Variants in CNTN1 observed in about 807,000 individuals in gnomAD.
The protein encoded by CNTN1 is contactin 1.
Under a neutral mutation model 126.4 loss-of-function variants are expected in CNTN1, and 38 were observed. The observed-to-expected ratio is 0.30, with a 90% CI of 0.23 to 0.39. The LOEUF is 0.39. Among genes scored for constraint, CNTN1 ranks in the 10% least tolerant of loss-of-function variants. The pLI is 1.00. For missense variants in CNTN1, 1,009 were observed against 1,248.4 expected, an observed-to-expected ratio of 0.81 and a Z score of 2.89; for synonymous variants, 413 against 422.6, an observed-to-expected ratio of 0.98 and a Z score of 0.28.
chr12:40,937,506 G>A (rs1476266195), intron 10 of CNTN1, 64 bp from the exon 11 acceptor site: 6 of 1,079,052 alleles, frequency 5.6e-6, no homozygotes, highest in Non-Finnish European at 8.6e-6. Context: ...ACCAAACCCA[G>A]ACCTAAGTGA....
At chr12:40,939,252 A>G in intron 11 of CNTN1, 83 bp from the exon 12 acceptor site, 1 of 1,428,350 alleles carries the variant, frequency 7.0e-7, no homozygotes, top group East Asian at 2.3e-5. Context: ...ACTATTAAGG[A>G]GAATAAAAGA....
chr12:40,883,849 T>C (rs1943947606), intron 1 of CNTN1, among the ~76,000 whole-genome samples: 1 of 151,650 alleles, frequency 6.6e-6, no homozygotes, highest in Admixed American at 6.6e-5. Context: ...TGTGAGCATA[T>C]AATATTTTGT....
intron 1 of CNTN1, among the ~76,000 whole-genome samples, chr12:40,851,922 T>C (rs1942728931): frequency 6.6e-6 from 1 of 152,172 alleles, no homozygotes; most frequent in South Asian, 2.1e-4. Flanking sequence ...AGCATTAGCA[T>C]AATCTGAGGG....
intron 19 of CNTN1, among the ~76,000 whole-genome samples, chr12:41,018,523 A>G (rs1948832658): frequency 6.6e-6 from 1 of 152,036 alleles, no homozygotes; most frequent in Non-Finnish European, 1.5e-5. Context: ...ATGTCATAAT[A>G]CCATGTCATA....
rs1947293934 is a variant in CNTN1, at chr12:40,965,998, C to CA, written c.1804+6764_1804+6765insA. 4.0e-3 allele frequency among the ~76,000 whole-genome samples: 543 copies of CA among 136,270 alleles called. 5 individuals are homozygous for CA. The highest frequency in any genetic ancestry group is 0.015 in the African/African-American group (508 of 34,798). 89.4% of individuals were successfully genotyped at this position (136,270 alleles called of 152,430 possible). A position where few individuals can be genotyped will look rare whatever the true frequency, so the allele number is the denominator to read the frequency against. On this transcript the variant is annotated intron_variant, in intron 15 of 23. Transcript: ENST00000551295. Reference sequence around the variant, plus strand: ...GTGTAAGTATACACACCTCATCACACCACACACACACACACACACACACAC... The same window carrying CA: ...GTGTAAGTATACACACCTCATCACACACACACACACACACACACACACACAC...
At chr12:41,045,366 TTGTC>T (rs1949519386) in intron 23 of CNTN1, among the ~76,000 whole-genome samples, 1 of 152,114 alleles carries the variant, frequency 6.6e-6, no homozygotes, top group Admixed American at 6.6e-5. Context: ...ATAAAAACAA[TTGTC>T]TGTTCTGAGA....
intron 17 of CNTN1, among the ~76,000 whole-genome samples, chr12:41,012,091 G>A (rs1948671641): frequency 6.6e-6 from 1 of 152,130 alleles, no homozygotes; most frequent in Admixed American, 6.5e-5. Flanking sequence ...GGGTAAAGGA[G>A]AGGATTCCTA....
intron 1 of CNTN1, among the ~76,000 whole-genome samples, chr12:40,841,709 T>A (rs531730594): frequency 1.6e-4 from 24 of 151,924 alleles, no homozygotes; most frequent in Admixed American, 1.4e-3. Context: ...AGAAAAAAAA[T>A]TTGACAAAAT....
At chr12:40,845,904 A>C (rs1329858048) in intron 1 of CNTN1, among the ~76,000 whole-genome samples, 1 of 152,252 alleles carries the variant, frequency 6.6e-6, no homozygotes, top group African/African-American at 2.4e-5. Context: ...ATAAAAAATG[A>C]ATATTAGTGG....
intron 1 of CNTN1, among the ~76,000 whole-genome samples, chr12:40,708,259 C>A (rs1211980317): frequency 6.6e-6 from 1 of 152,092 alleles, no homozygotes; most frequent in South Asian, 2.1e-4. Flanking sequence ...CAGACCACTG[C>A]AATAAAGCCA....
At chr12:40,986,746 G>A (rs538239263) in intron 16 of CNTN1, among the ~76,000 whole-genome samples, 11 of 152,096 alleles carry the variant, frequency 7.2e-5, no homozygotes, top group African/African-American at 1.9e-4. Flanking sequence ...TATCGGTGCC[G>A]CAGAGGGAAG....
intron 23 of CNTN1, among the ~76,000 whole-genome samples, chr12:41,039,348 T>A (rs546107892): frequency 6.6e-6 from 1 of 152,268 alleles, no homozygotes; most frequent in South Asian, 2.1e-4. Context: ...GGCAGTTATA[T>A]TAAGGATTTA....
At chr12:40,961,505 A>C (rs1300125958) in intron 15 of CNTN1, among the ~76,000 whole-genome samples, 1 of 152,012 alleles carries the variant, frequency 6.6e-6, no homozygotes, top group Non-Finnish European at 1.5e-5. Context: ...CTATTTATTC[A>C]TTTAATTATA....
At chr12:40,890,277 CT>C (rs988701695) in intron 1 of CNTN1, among the ~76,000 whole-genome samples, 3 of 152,108 alleles carry the variant, frequency 2.0e-5, no homozygotes, top group African/African-American at 7.2e-5. Context: ...CACACATAGC[CT>C]CCCCCACTGT....
chr12:40,821,515 A>G (rs1941441464), intron 1 of CNTN1, among the ~76,000 whole-genome samples: 1 of 152,202 alleles, frequency 6.6e-6, no homozygotes, highest in African/African-American at 2.4e-5. Flanking sequence ...TAGTAGTATT[A>G]GTGGTCTCAT....
Position 40,758,186 on chromosome 12 carries a change from C to T in CNTN1, c.-77+65594C>T, listed in dbSNP as rs116977877. The stretch of plus-strand genomic sequence containing the variant: ...ATAAAATGCCATTCTGTAATCACAT[C>T]AGTGATTTAATGTTTCTAATAATTT... On this transcript the variant is annotated intron_variant, in intron 1 of 23. Coordinates refer to ENST00000551295, the MANE Select transcript of CNTN1 (RefSeq NM_001843.4). 8.9e-3 allele frequency among the ~76,000 whole-genome samples: 1,343 copies of T among 151,044 alleles called. 13 individuals are homozygous for T. The highest frequency in any genetic ancestry group is 0.015 in the Non-Finnish European group (1,001 of 67,802).
At chr12:40,949,944 G>A (rs557956200) in intron 14 of CNTN1, among the ~76,000 whole-genome samples, 1 of 152,066 alleles carries the variant, frequency 6.6e-6, no homozygotes, top group South Asian at 2.1e-4. Context: ...GGACGGTTGG[G>A]CAATAATCCT....
intron 1 of CNTN1, among the ~76,000 whole-genome samples, chr12:40,844,421 G>T (rs1363902807): frequency 1.3e-5 from 2 of 151,928 alleles, no homozygotes; most frequent in African/African-American, 2.4e-5. Flanking sequence ...TTGTTTTTTT[G>T]TGTGTGTTCT....
chr12:40,997,249 G>A (rs2120553822), intron 17 of CNTN1, among the ~76,000 whole-genome samples: 1 of 152,320 alleles, frequency 6.6e-6, no homozygotes, highest in African/African-American at 2.4e-5. Context: ...TAGCTCTGCA[G>A]GTTCAGTTGG....
Sources: allele counts gnomAD v4.1 joint callset (sites outside exome capture counted in the v4.1 genomes callset), GRCh38; gene constraint gnomAD v4.1.1; transcripts MANE v1.5; gene names NCBI Gene and HGNC (gene_info 2026-07-23, HGNC 2026-07-21).